Variants in IL1R1 observed in about 807,000 individuals in gnomAD.
The protein encoded by IL1R1 is interleukin 1 receptor type 1.
Under a neutral mutation model 50.2 loss-of-function variants are expected in IL1R1, and 22 were observed. The ratio of observed to expected loss-of-function variants is 0.44; its 90% CI spans 0.31 to 0.63. The LOEUF is 0.63. IL1R1 is among the 20% of genes least tolerant of loss of function. The pLI, the probability that IL1R1 is intolerant of heterozygous loss-of-function variation, is 0.07. For missense variants in IL1R1, 509 were observed against 676.2 expected (o/e 0.75, Z 2.74); for synonymous variants, 251 against 236.7 (o/e 1.06, Z -0.55).
chr2:102,123,770 T>A (rs931472629), intron 1 of IL1R1, among the ~76,000 whole-genome samples: 2 of 138,172 alleles, frequency 1.4e-5, no homozygotes, highest in African/African-American at 5.7e-5. Context: ...AGAGTGAGAC[T>A]GTGTCTTAAT....
chr2:102,093,602 C>A (rs1471575305), intron 1 of IL1R1, among the ~76,000 whole-genome samples: 1 of 152,186 alleles, frequency 6.6e-6, no homozygotes, highest in African/African-American at 2.4e-5. Context: ...TGATATTGAG[C>A]ATTTTTTCGT....
chr2:102,174,630 G>A lies in IL1R1; in HGVS notation c.1035G>A (p.Leu345=). Reference sequence around the variant, plus strand: ...ACATGATTGGTATATGTGTCACGTTGACAGTCATAATTGTGTGTTCTGTTT... The same window carrying A: ...ACATGATTGGTATATGTGTCACGTTAACAGTCATAATTGTGTGTTCTGTTT... The part of the protein sequence containing the change: ...QKHMIGICVT[L]TVIIVCSVFI... Residue 345 remains leucine (L), a synonymous_variant, in exon 10 of 12, where the codon TTG becomes TTA. Transcript: ENST00000410023. 2 of 1,609,542 alleles carry A rather than the reference G, an allele frequency of 1.2e-6. No homozygotes were observed. The highest frequency in any genetic ancestry group is 1.7e-6 in the Non-Finnish European group (2 of 1,178,092).
At chr2:102,161,519 A>G (rs971050381) in intron 3 of IL1R1, among the ~76,000 whole-genome samples, 5 of 152,092 alleles carry the variant, frequency 3.3e-5, no homozygotes, top group Admixed American at 6.5e-5. Flanking sequence ...TGCTTGTTCT[A>G]TCGGTCCTTG....
chr2:102,071,056 A>G (rs558102567), intron 1 of IL1R1, among the ~76,000 whole-genome samples: 15 of 152,276 alleles, frequency 9.9e-5, no homozygotes, highest in Non-Finnish European at 1.9e-4. Flanking sequence ...AAAAAAAAAC[A>G]CTAAGATATT....
intron 1 of IL1R1, among the ~76,000 whole-genome samples, chr2:102,128,356 A>G (rs1015976113): frequency 1.3e-5 from 2 of 152,226 alleles, no homozygotes; most frequent in Non-Finnish European, 2.9e-5. Context: ...CAATACCTCT[A>G]TGGTATTACT....
rs571193922 is a variant in IL1R1 at position 102,079,372 on chromosome 2, T to C, written c.-84+8839T>C. Among the ~76,000 whole-genome samples the C allele has an allele frequency of 2.1e-3, 313 of 152,240 alleles. 1 individual carries two copies. The highest frequency in any genetic ancestry group is 2.5e-3 in the Non-Finnish European group (168 of 67,966). ...ACATTCTAAGGAATCCACTAAAAAC[T>C]ATTAGACTACTAAACAAGCTCAGTA... On this transcript the variant is annotated intron_variant, in intron 1 of 11. Coordinates refer to the IL1R1 transcript ENST00000409929.
At chr2:102,103,451 T>C (rs1221126746), upstream of IL1R1, among the ~76,000 whole-genome samples, 2 of 152,142 alleles carry the variant, frequency 1.3e-5, no homozygotes, top group East Asian at 3.9e-4. Context: ...AGCAGAGGTT[T>C]GAGCAGTGCC....
In IL1R1 at chr2:102,177,563, G is replaced by T. The variant is rs1476317007; in HGVS notation, c.*804G>T. ...CTTGTATTTTCCATACACATCCCCA[G>T]CCAGAAGTTAGTGTCCGAAGACCGA... On this transcript the variant is annotated 3_prime_UTR_variant, in exon 12 of 12. Coordinates refer to ENST00000410023, the MANE Select transcript of IL1R1 (RefSeq NM_000877.4). 1 of 152,308 alleles carries T rather than the reference G, an allele frequency of 6.6e-6. No individual in the cohort carries two copies. The highest frequency in any genetic ancestry group is 1.5e-5 in the Non-Finnish European group (1 of 68,030). 9.4% of individuals were successfully genotyped at this position (152,308 alleles called of 1,614,324 possible).
At chr2:102,110,093 C>T (rs1680662486) in intron 1 of IL1R1, among the ~76,000 whole-genome samples, 1 of 152,132 alleles carries the variant, frequency 6.6e-6, no homozygotes, top group African/African-American at 2.4e-5. Flanking sequence ...TTTTTCTCTT[C>T]CCTTTCTGCA....
intron 9 of IL1R1, among the ~76,000 whole-genome samples, chr2:102,173,377 A>G (rs1243022816): frequency 6.6e-6 from 1 of 152,248 alleles, no homozygotes; most frequent in Non-Finnish European, 1.5e-5. Flanking sequence ...GTTTAATTAA[A>G]CATAGGCTAT....
upstream of IL1R1, among the ~76,000 whole-genome samples, chr2:102,102,142 T>C (rs1298411876): frequency 2.0e-5 from 3 of 152,192 alleles, no homozygotes; most frequent in Admixed American, 6.5e-5. Context: ...AATCTGCCAA[T>C]TAATCCAGCT....
chr2:102,147,498 A>G (rs1412102978), intron 1 of IL1R1, among the ~76,000 whole-genome samples: 2 of 151,980 alleles, frequency 1.3e-5, no homozygotes, highest in Admixed American at 6.6e-5. Flanking sequence ...GATGTGTTGG[A>G]GTTATAGGGG....
intron 1 of IL1R1, among the ~76,000 whole-genome samples, chr2:102,122,618 A>G (rs182399410): frequency 6.6e-6 from 1 of 152,198 alleles, no homozygotes; most frequent in African/African-American, 2.4e-5. Flanking sequence ...GTTAATATTC[A>G]GAAGGGCCTC....
At chr2:102,138,599 GA>G (rs900709971), upstream of IL1R1, among the ~76,000 whole-genome samples, 20 of 152,200 alleles carry the variant, frequency 1.3e-4, no homozygotes, top group African/African-American at 4.8e-4. Context: ...ATTGCCTAGG[GA>G]AAGGGAGAGT....
At position 102,172,179 on chromosome 2, in the gene IL1R1, A is replaced by G. The variant is rs142907755; in HGVS notation, c.839+261A>G. On this transcript the variant is annotated intron_variant, in intron 8 of 11. Coordinates refer to ENST00000410023, the MANE Select transcript of IL1R1 (RefSeq NM_000877.4). ...ACGTTATACATGTTGCAACATTTCA[A>G]CGAAGCAATTATCTTTCATTATTCT... is the stretch of plus-strand genomic sequence containing the variant. 7.2e-4 allele frequency: 529 copies of G among 732,258 alleles called. 2 individuals carry two copies. In the African/African-American group the frequency reaches 9.6e-3, roughly 13 times the overall value. The allele number at this position is 732,258 out of a possible 1,614,324, so 45.4% of individuals were successfully genotyped here. A position where few individuals can be genotyped will look rare whatever the true frequency, so the allele number is the denominator to read the frequency against.
intron 1 of IL1R1, among the ~76,000 whole-genome samples, chr2:102,096,456 T>G (rs1411397094): frequency 6.6e-6 from 1 of 152,232 alleles, no homozygotes; most frequent in Non-Finnish European, 1.5e-5. Flanking sequence ...GTTTCTAATT[T>G]CCTTGGGTTT....
At chr2:102,129,354 A>G (rs1357785047) in intron 1 of IL1R1, among the ~76,000 whole-genome samples, 1 of 152,246 alleles carries the variant, frequency 6.6e-6, no homozygotes, top group Non-Finnish European at 1.5e-5. Context: ...GGTTATAAGC[A>G]TTAAATGTGA....
At chr2:102,101,968 T>TGTGTGGGTGC (rs371044487), upstream of IL1R1, among the ~76,000 whole-genome samples, 3 of 152,116 alleles carry the variant, frequency 2.0e-5, no homozygotes, top group East Asian at 1.9e-4. Flanking sequence ...CAAAAGCGTG[T>TGTGTGGGTGC]GTGTGGGTGC....
intron 1 of IL1R1, among the ~76,000 whole-genome samples, chr2:102,132,779 C>T (rs531365299): frequency 3.9e-5 from 6 of 152,082 alleles, no homozygotes; most frequent in South Asian, 4.2e-4. Flanking sequence ...TATACTACAC[C>T]ACAAATAGTA....
Sources: gnomAD v4.1 joint callset for allele counts (sites outside exome capture counted in the v4.1 genomes callset) on GRCh38, gnomAD v4.1.1 for gene constraint, MANE v1.5 for transcripts, NCBI Gene and HGNC (gene_info 2026-07-23, HGNC 2026-07-21) for gene names.